IMMP2L: variants seen among roughly 807,000 people sequenced by gnomAD.
The protein encoded by IMMP2L is mitochondrial inner membrane protease subunit 2.
IMMP2L carries 18 observed loss-of-function variants against 19.3 expected under a neutral mutation model. The observed-to-expected ratio is 0.93, with a 90% confidence interval of 0.64 to 1.38. IMMP2L has a LOEUF of 1.38. Among genes scored for constraint, IMMP2L ranks in the 40% most tolerant of loss-of-function variants. The pLI is 0.00. For missense variants in IMMP2L, 233 were observed against 218.2 expected, an observed-to-expected ratio of 1.07 and a Z score of -0.43; for synonymous variants, 76 against 73.0, an observed-to-expected ratio of 1.04 and a Z score of -0.21.
intron 3 of IMMP2L, among the ~76,000 whole-genome samples, chr7:111,254,240 T>TTGTTC (rs1816459025): frequency 6.6e-6 from 1 of 152,048 alleles, no homozygotes; most frequent in African/African-American, 2.4e-5. Context: ...TTGTTTTGTT[T>TTGTTC]TGTTTTGTTT....
At chr7:111,474,872 T>C (rs1314501337) in intron 3 of IMMP2L, among the ~76,000 whole-genome samples, 3 of 152,122 alleles carry the variant, frequency 2.0e-5, no homozygotes, top group East Asian at 3.9e-4. Flanking sequence ...ATTTTAATGA[T>C]TCTTACTTAA....
chr7:111,427,873 G>A (rs1836242111), intron 3 of IMMP2L, among the ~76,000 whole-genome samples: 1 of 151,838 alleles, frequency 6.6e-6, no homozygotes, highest in Admixed American at 6.6e-5. Flanking sequence ...TATTAGGTAA[G>A]TTCATATCAC....
At chr7:111,424,585 A>G (rs1835892205) in intron 3 of IMMP2L, among the ~76,000 whole-genome samples, 1 of 151,840 alleles carries the variant, frequency 6.6e-6, no homozygotes, top group Admixed American at 6.6e-5. Context: ...GGGATTCATT[A>G]CATCTGTATA....
intron 4 of IMMP2L, among the ~76,000 whole-genome samples, chr7:110,900,920 T>G (rs1811799102): frequency 6.6e-6 from 1 of 152,042 alleles, no homozygotes; most frequent in South Asian, 2.1e-4. Context: ...CATCGCCTCT[T>G]GCTCACTCCA....
chr7:111,237,814 G>C (rs73420092), intron 3 of IMMP2L, among the ~76,000 whole-genome samples: 1 of 151,910 alleles, frequency 6.6e-6, no homozygotes, highest in East Asian at 1.9e-4. Flanking sequence ...TAGCTCATGA[G>C]CTCTAAAGTA....
chr7:111,200,822 A>C (rs1368504242), intron 3 of IMMP2L, among the ~76,000 whole-genome samples: 1 of 152,166 alleles, frequency 6.6e-6, no homozygotes, highest in Non-Finnish European at 1.5e-5. Context: ...GATAAAAGAC[A>C]AAAAGGCATT....
intron 3 of IMMP2L, among the ~76,000 whole-genome samples, chr7:111,015,524 T>G (rs188480861): frequency 8.7e-4 from 133 of 152,266 alleles, no homozygotes; most frequent in Non-Finnish European, 1.6e-3. Context: ...AAAGTATACT[T>G]GCAAATGGTT....
chr7:110,698,381 C>G (rs1252896457), intron 5 of IMMP2L, among the ~76,000 whole-genome samples: 2 of 152,090 alleles, frequency 1.3e-5, no homozygotes, highest in Non-Finnish European at 2.9e-5. Flanking sequence ...TAATATTATC[C>G]CTTAATAATA....
intron 2 of IMMP2L, among the ~76,000 whole-genome samples, chr7:111,492,803 T>C (rs1843220482): frequency 6.6e-6 from 1 of 152,190 alleles, no homozygotes; most frequent in African/African-American, 2.4e-5. Flanking sequence ...CTGAATGACA[T>C]TGCTTGATTT....
intron 5 of IMMP2L, among the ~76,000 whole-genome samples, chr7:110,806,284 T>C (rs1445364805): frequency 8.6e-6 from 1 of 116,650 alleles, no homozygotes; most frequent in Non-Finnish European, 1.9e-5. Flanking sequence ...TGGACTTCAC[T>C]TTAGACTTCA....
chr7:110,914,107 C>T (rs1359970326), intron 4 of IMMP2L, among the ~76,000 whole-genome samples: 2 of 152,190 alleles, frequency 1.3e-5, no homozygotes, highest in South Asian at 2.1e-4. Flanking sequence ...TGCTTTTGCT[C>T]TTCCTGGACC....
intron 3 of IMMP2L, among the ~76,000 whole-genome samples, chr7:111,211,220 A>G (rs1013030292): frequency 6.6e-6 from 1 of 152,210 alleles, no homozygotes; most frequent in African/African-American, 2.4e-5. Context: ...TGCCTTTCAG[A>G]TAGGCCCCAA....
At chr7:110,816,892 G>C (rs546376175) in intron 5 of IMMP2L, among the ~76,000 whole-genome samples, 1 of 151,994 alleles carries the variant, frequency 6.6e-6, no homozygotes, top group Non-Finnish European at 1.5e-5. Flanking sequence ...CTGAATATAC[G>C]ACACTGATGG....
chr7:111,514,627 G>C (rs1012257532), intron 2 of IMMP2L, among the ~76,000 whole-genome samples: 1 of 151,926 alleles, frequency 6.6e-6, no homozygotes, highest in Non-Finnish European at 1.5e-5. Flanking sequence ...AAATTCAATG[G>C]TATATAAATT....
intron 3 of IMMP2L, among the ~76,000 whole-genome samples, chr7:111,250,203 A>C (rs1815929801): frequency 6.6e-6 from 1 of 152,048 alleles, no homozygotes; most frequent in Non-Finnish European, 1.5e-5. Flanking sequence ...TAACAAGAAA[A>C]GTGAAGGACC....
intron 3 of IMMP2L, among the ~76,000 whole-genome samples, chr7:110,985,489 A>T (rs2129558700): frequency 2.0e-5 from 3 of 152,304 alleles, no homozygotes; most frequent in Admixed American, 2.0e-4. Flanking sequence ...GTCACAAATC[A>T]GGAACAAAGA....
chr7:111,407,180 A>G (rs1833970876), intron 3 of IMMP2L, among the ~76,000 whole-genome samples: 1 of 152,058 alleles, frequency 6.6e-6, no homozygotes, highest in Non-Finnish European at 1.5e-5. Context: ...TGTGGGGAAA[A>G]TAGAACCCTC....
At chr7:111,311,690 A>G (rs1245940767) in intron 3 of IMMP2L, among the ~76,000 whole-genome samples, 2 of 152,144 alleles carry the variant, frequency 1.3e-5, no homozygotes, top group Admixed American at 1.3e-4. Flanking sequence ...ATGTTGTATC[A>G]GGGTGAGGAA....
At chr7:111,042,899 C>T (rs2129571221) in intron 3 of IMMP2L, among the ~76,000 whole-genome samples, 1 of 152,288 alleles carries the variant, frequency 6.6e-6, no homozygotes, top group East Asian at 1.9e-4. Flanking sequence ...GAAATTATGT[C>T]TTGTTCACTG....
Sources: gnomAD v4.1 joint callset for allele counts (sites outside exome capture counted in the v4.1 genomes callset) on GRCh38, gnomAD v4.1.1 for gene constraint, MANE v1.5 for transcripts, NCBI Gene and HGNC (gene_info 2026-07-23, HGNC 2026-07-21) for gene names.